APOE: variants seen among roughly 807,000 people sequenced by gnomAD.
The protein encoded by APOE is apolipoprotein E.
In APOE, 10 loss-of-function variants were observed where a neutral mutation model predicts 13.1. That is an observed-to-expected ratio of 0.76 (90% CI 0.47 to 1.29). The LOEUF (loss-of-function observed/expected upper bound fraction) is 1.29, where lower values mean the gene tolerates loss of function less well. Ranked by LOEUF, APOE falls within the 50% of genes most tolerant of loss-of-function variation. APOE has a pLI of 0.00. For missense variants in APOE, 471 were observed against 459.6 expected (o/e 1.02, Z -0.23); for synonymous variants, 211 against 207.1 (o/e 1.02, Z -0.16).
Position 44,909,345 on chromosome 19 carries a change from C to T in APOE, c.*95C>T. On this transcript the variant is annotated 3_prime_UTR_variant, in exon 4 of 4. Coordinates refer to ENST00000252486, the MANE Select transcript of APOE (RefSeq NM_000041.4). ...GAGACCCTGTCCCCGCCCCAGCCGT[C>T]CTCCTGGGGTGGACCCTAGTTTAAT... The T allele has an allele frequency of 8.4e-7, 1 of 1,188,510 alleles. No homozygotes were observed. Among genetic ancestry groups the T allele is most frequent in the South Asian group, 1.3e-5 (1 of 79,708 alleles). The allele number at this position is 1,188,510 out of a possible 1,614,324, so 73.6% of individuals were successfully genotyped here.
chr19:44,908,516 C>G lies in APOE; in HGVS notation c.237-17C>G. ...CGCCTCCCACTGTGCGACACCCTCC[C>G]GCCCTCTCGGCCGCAGGGCGCTGAT... On this transcript the variant is annotated splice_polypyrimidine_tract_variant and intron_variant, in intron 3 of 3. Transcript: ENST00000252486. 6.2e-7 allele frequency: 1 copy of G among 1,608,054 alleles called. No homozygotes were observed. The highest frequency in any genetic ancestry group is 8.5e-7 in the Non-Finnish European group (1 of 1,179,200).
At chr19:44,906,334 G>C (rs1969805815) in intron 1 of APOE, 2 of 548,478 alleles carry the variant, frequency 3.6e-6, no homozygotes, top group Non-Finnish European at 6.6e-6. Flanking sequence ...GCGGTGGGGA[G>C]GGGGTGGGGG....
At chr19:44,906,966 C>T (rs1413052862) in intron 2 of APOE, 10 of 432,096 alleles carry the variant, frequency 2.3e-5, no homozygotes, top group South Asian at 4.8e-5. Flanking sequence ...CTGCAAGCTC[C>T]GCCTCCCAGG....
intron 2 of APOE, 37 bp downstream of exon 2, chr19:44,906,704 T>A (rs1452890936): frequency 1.2e-6 from 2 of 1,603,842 alleles, no homozygotes; most frequent in Non-Finnish European, 1.7e-6. Context: ...CCCCCGCTCC[T>A]CCCCCTCTCA....
rs11542038 is a variant in APOE at position 44,907,896 on chromosome 19, A to G, written c.180A>G (p.Thr60=). ...RFWDYLRWVQ[T]LSEQVQEELL... is the part of the protein sequence containing the mutation. ...GGGATTACCTGCGCTGGGTGCAGACACTGTCTGAGCAGGTGCAGGAGGAGC... is the reference window on the plus strand; with the variant it reads ...GGGATTACCTGCGCTGGGTGCAGACGCTGTCTGAGCAGGTGCAGGAGGAGC... The change falls in exon 3 of 4, where the codon ACA becomes ACG. Residue 60 remains threonine, a synonymous_variant. Transcript: ENST00000252486. The surrounding 1 kb of genome is among the most constrained non-coding windows in gnomAD (Gnocchi z 4.1). The G allele has an allele frequency of 6.2e-7, 1 of 1,613,922 alleles. No individual in the cohort carries two copies. The highest frequency in any genetic ancestry group is 8.5e-7 in the Non-Finnish European group (1 of 1,179,920).
Position 44,906,671 on chromosome 19 carries a change from T to TG in APOE, c.43+9dup, listed in dbSNP as rs1327840442. 6.2e-7 allele frequency: 1 copy of TG among 1,613,956 alleles called. No homozygotes were observed. Among genetic ancestry groups the TG allele is most frequent in the East Asian group, 2.2e-5 (1 of 44,852 alleles). On this transcript the variant is annotated splice_donor_region_variant and intron_variant, in intron 2 of 3. Transcript: ENST00000252486. Reference sequence around the variant, plus strand: ...TTGCTGGTCACATTCCTGGCAGGTATGGGGGCGGGGCTTGCTCGGTTCCCC... The same window carrying TG: ...TTGCTGGTCACATTCCTGGCAGGTATGGGGGGCGGGGCTTGCTCGGTTCCCC...
chr19:44,908,961 A>C lies in APOE; in HGVS notation c.665A>C (p.Gln222Pro), dbSNP rs1039633588. Reference sequence around the variant, plus strand: ...GGCTCCCTGGCCGGCCAGCCGCTACAGGAGCGGGCCCAGGCCTGGGGCGAG... The same window carrying C: ...GGCTCCCTGGCCGGCCAGCCGCTACCGGAGCGGGCCCAGGCCTGGGGCGAG... The part of the protein sequence containing the change: ...TVGSLAGQPL[Q>P]ERAQAWGERL... Residue 222 changes from glutamine to proline, a missense_variant, in exon 4 of 4, where the codon CAG becomes CCG. By Grantham distance (76) the Gln-to-Pro change is moderately conservative. Coordinates refer to ENST00000252486, the MANE Select transcript of APOE (RefSeq NM_000041.4). 6.5e-7 allele frequency: 1 copy of C among 1,527,576 alleles called. No homozygotes were observed. The highest frequency in any genetic ancestry group is 8.8e-7 in the Non-Finnish European group (1 of 1,142,838). 94.6% of individuals were successfully genotyped at this position (1,527,576 alleles called of 1,614,324 possible). A position where few individuals can be genotyped will look rare whatever the true frequency, so the allele number is the denominator to read the frequency against.
At position 44,909,026 on chromosome 19, in the gene APOE, C is replaced by G. The variant is rs1969880574; in HGVS notation, c.730C>G (p.Arg244Gly). 1.9e-6 allele frequency: 3 copies of G among 1,541,510 alleles called. No homozygotes were observed. Among genetic ancestry groups the G allele is most frequent in the Non-Finnish European group, 1.7e-6 (2 of 1,149,028 alleles). Residue 244 changes from arginine to glycine, a missense_variant, in exon 4 of 4, where the codon CGC becomes GGC. By Grantham distance (125) the Arg-to-Gly change is moderately radical. Transcript: ENST00000252486. ...ARMEEMGSRT[R>G]DRLDEVKEQV... is the part of the protein sequence containing the mutation. Reference sequence around the variant, plus strand: ...GATGGAGGAGATGGGCAGCCGGACCCGCGACCGCCTGGACGAGGTGAAGGA... The same window carrying G: ...GATGGAGGAGATGGGCAGCCGGACCGGCGACCGCCTGGACGAGGTGAAGGA...
chr19:44,906,973 C>T (rs544033094), intron 2 of APOE: 109 of 416,830 alleles, frequency 2.6e-4, no homozygotes, highest in Non-Finnish European at 4.3e-4. Context: ...CTCCGCCTCC[C>T]AGGTCCACGC....
chr19:44,906,395 A>G, intron 1 of APOE: 1 of 604,630 alleles, frequency 1.7e-6, no homozygotes, highest in Non-Finnish European at 3.0e-6. Context: ...ATGGAGGCCG[A>G]CCTGGGGATG....
At chr19:44,908,397 T>C in intron 3 of APOE, 136 bp from the exon 4 acceptor site, 1 of 868,196 alleles carries the variant, frequency 1.2e-6, no homozygotes, top group Non-Finnish European at 1.9e-6. Context: ...TCTGTCTCTG[T>C]CTCCTTCTCT....
chr19:44,906,555 G>C, intron 1 of APOE, 47 bp from the exon 2 acceptor site: 4 of 1,609,216 alleles, frequency 2.5e-6, no homozygotes, highest in Non-Finnish European at 3.4e-6. Context: ...GGCTGGGGGT[G>C]GGAGGAGTCC....
In APOE at chr19:44,907,768, G is replaced by A. The variant is rs533904656; in HGVS notation, c.52G>A (p.Ala18Thr). Residue 18 changes from alanine to threonine, a missense_variant, in exon 3 of 4, where the codon GCC (alanine) becomes ACC (threonine). Physicochemically the swap from Ala to Thr is moderately conservative, Grantham distance 58 (BLOSUM62 0). Transcript: ENST00000252486. The surrounding 1 kb of genome is among the most constrained non-coding windows in gnomAD (Gnocchi z 4.1). The stretch of plus-strand genomic sequence containing the variant: ...GAACTTGTTCCACACAGGATGCCAG[G>A]CCAAGGTGGAGCAAGCGGTGGAGAC... The part of the protein sequence containing the change: ...LLVTFLAGCQ[A>T]KVEQAVETEP... The A allele has an allele frequency of 3.6e-5, 58 of 1,610,812 alleles. No homozygotes were observed. In the East Asian group the frequency reaches 1.2e-3, roughly 33 times the overall value.
Position 44,909,128 on chromosome 19 carries a change from C to A in APOE, c.832C>A (p.Arg278Ser). 3.1e-6 allele frequency: 5 copies of A among 1,599,600 alleles called. No individual in the cohort carries two copies. Among genetic ancestry groups the A allele is most frequent in the Non-Finnish European group, 4.2e-6 (5 of 1,177,706 alleles). The change falls in exon 4 of 4, where the codon CGC (arginine) becomes AGC (serine). Residue 278 changes from arginine to serine, a missense_variant. Coordinates refer to ENST00000252486, the MANE Select transcript of APOE (RefSeq NM_000041.4). ...CCTGCAGGCCGAGGCCTTCCAGGCC[C>A]GCCTCAAGAGCTGGTTCGAGCCCCT... is the stretch of plus-strand genomic sequence containing the variant. Reference protein sequence around the residue: ...IRLQAEAFQARLKSWFEPLVE... With the variant: ...IRLQAEAFQASLKSWFEPLVE...
rs760456587 is a variant in APOE at position 44,909,252 on chromosome 19, C to T, written c.*2C>T. 2.0e-4 allele frequency: 319 copies of T among 1,596,080 alleles called. No individual in the cohort carries two copies. The highest frequency in any genetic ancestry group is 2.6e-4 in the Non-Finnish European group (307 of 1,179,126). On this transcript the variant is annotated 3_prime_UTR_variant, in exon 4 of 4. Coordinates refer to ENST00000252486, the MANE Select transcript of APOE (RefSeq NM_000041.4). ...CCTGTGCCCAGCGACAATCACTGAA[C>T]GCCGAAGCCTGCAGCCATGCGACCC...
At chr19:44,905,909 A>AG in intron 1 of APOE, 68 bp downstream of exon 1, 3 of 1,295,856 alleles carry the variant, frequency 2.3e-6, no homozygotes, top group Non-Finnish European at 3.0e-6. Context: ...GACCCTGGGA[A>AG]CCCCTGGCCT....
rs769453 is a variant in APOE at position 44,908,420 on chromosome 19, C to G, written c.237-113C>G. The stretch of plus-strand genomic sequence containing the variant: ...TGTCTCCTTCTCTCGGCCTCTGCCC[C>G]GTTCCTTCTCTCCCTCTTGGGTCTC... On this transcript the variant is annotated intron_variant, in intron 3 of 3. Coordinates refer to ENST00000252486, the MANE Select transcript of APOE (RefSeq NM_000041.4). The G allele has an allele frequency of 9.9e-4, 1,062 of 1,068,662 alleles. 9 individuals are homozygous for G. In the African/African-American group the frequency reaches 0.014, roughly 14 times the overall value. The allele number at this position is 1,068,662 out of a possible 1,614,324, so 66.2% of individuals were successfully genotyped here.
chr19:44,906,705 C>G, intron 2 of APOE, 38 bp downstream of exon 2: 1 of 1,604,584 alleles, frequency 6.2e-7, no homozygotes, highest in Non-Finnish European at 8.5e-7. Context: ...CCCCGCTCCT[C>G]CCCCTCTCAT....
chr19:44,906,355 G>C, intron 1 of APOE: 1 of 569,342 alleles, frequency 1.8e-6, no homozygotes, highest in Non-Finnish European at 3.2e-6. Context: ...GATGGAATTT[G>C]AACCCCGGGA....
Sources: gnomAD v4.1 joint callset for allele counts on GRCh38, gnomAD v4.1.1 for gene constraint, Gnocchi (gnomAD v3.1) non-coding constraint, MANE v1.5 for transcripts, NCBI Gene and HGNC (gene_info 2026-07-23, HGNC 2026-07-21) for gene names.